Variants in PTPRO observed in about 807,000 individuals in gnomAD.
PTPRO encodes protein tyrosine phosphatase receptor type O.
PTPRO carries 62 observed loss-of-function variants against 145.2 expected under a neutral mutation model. That is an observed-to-expected ratio of 0.43 (90% CI 0.35 to 0.53). The LOEUF is 0.53. PTPRO is among the 20% of genes least tolerant of loss of function. PTPRO has a pLI of 0.01. For synonymous variants in PTPRO, 565 were observed against 514.7 expected (o/e 1.10, Z -1.32); for missense variants, 1,345 against 1,482.7 (o/e 0.91, Z 1.53).
At chr12:15,360,780 ATATATGTGTG>A (rs1360234990) in intron 1 of PTPRO, among the ~76,000 whole-genome samples, 2 of 148,196 alleles carry the variant, frequency 1.3e-5, no homozygotes, top group African/African-American at 2.5e-5. Flanking sequence ...ATACGTGTGT[ATATATGTGTG>A]TATATGTGTG....
intron 1 of PTPRO, among the ~76,000 whole-genome samples, chr12:15,388,219 T>C (rs1387177260): frequency 2.6e-5 from 4 of 152,026 alleles, no homozygotes; most frequent in Non-Finnish European, 4.4e-5. Flanking sequence ...TGTTAGAATA[T>C]AACATACGGA....
intron 1 of PTPRO, among the ~76,000 whole-genome samples, chr12:15,418,838 C>A (rs887473905): frequency 2.6e-5 from 4 of 151,692 alleles, no homozygotes; most frequent in Non-Finnish European, 5.9e-5. Flanking sequence ...TCCAAACTTG[C>A]CTCTTTTATT....
At chr12:15,540,587 T>C (rs961290111) in intron 12 of PTPRO, among the ~76,000 whole-genome samples, 12 of 152,342 alleles carry the variant, frequency 7.9e-5, no homozygotes, top group East Asian at 7.7e-4. Flanking sequence ...GAAGAAACAA[T>C]GTAATAGCTA....
At chr12:15,520,409 A>G in intron 10 of PTPRO, 97 bp downstream of exon 10, 1 of 837,182 alleles carries the variant, frequency 1.2e-6, no homozygotes, top group South Asian at 1.4e-5. Flanking sequence ...TCATTCACCC[A>G]GCACTGGGTG....
At chr12:15,594,078 CA>C (rs2135680743) in intron 25 of PTPRO, among the ~76,000 whole-genome samples, 1 of 152,168 alleles carries the variant, frequency 6.6e-6, no homozygotes, top group Non-Finnish European at 1.5e-5. Flanking sequence ...GACTTTATCA[CA>C]AAAATAAAGG....
At chr12:15,534,492 A>T (rs1015922419) in intron 12 of PTPRO, among the ~76,000 whole-genome samples, 7 of 152,170 alleles carry the variant, frequency 4.6e-5, no homozygotes, top group Non-Finnish European at 8.8e-5. Context: ...TCTGTTCACA[A>T]GGAGCTTATG....
intron 1 of PTPRO, among the ~76,000 whole-genome samples, chr12:15,367,203 T>G (rs1384996647): frequency 6.6e-6 from 1 of 152,124 alleles, no homozygotes; most frequent in East Asian, 1.9e-4. Flanking sequence ...GTAAGAAAAT[T>G]TATAGGCAAA....
At chr12:15,347,048 C>T (rs904594062) in intron 1 of PTPRO, among the ~76,000 whole-genome samples, 3 of 152,100 alleles carry the variant, frequency 2.0e-5, no homozygotes, top group Non-Finnish European at 1.5e-5. Flanking sequence ...TACACTCTCC[C>T]CTTAACCCAA....
chr12:15,570,567 T>A (rs1287838125), intron 19 of PTPRO, among the ~76,000 whole-genome samples: 1 of 152,182 alleles, frequency 6.6e-6, no homozygotes, highest in African/African-American at 2.4e-5. Context: ...ACACAGAGCC[T>A]GCTCACTTAT....
At chr12:15,552,815 T>TTTTTTA (rs1460399640) in intron 15 of PTPRO, among the ~76,000 whole-genome samples, 11 of 147,774 alleles carry the variant, frequency 7.4e-5, no homozygotes, top group Non-Finnish European at 1.5e-4. Flanking sequence ...TTTTTTTTTT[T>TTTTTTA]TTGAGACAGA....
In PTPRO at chr12:15,580,754, A is replaced by T. The variant is rs1944293234; in HGVS notation, c.3055A>T (p.Asn1019Tyr). Residue 1019 changes from asparagine (N) to tyrosine (Y), a missense_variant, in exon 22 of 27, where the codon AAT (asparagine) becomes TAT (tyrosine). Around this residue, in one of 3 missense-constraint regions of PTPRO, gnomAD observed 7 missense variants for 25.3 expected, o/e 0.28. Coordinates refer to ENST00000281171, the MANE Select transcript of PTPRO (RefSeq NM_030667.3). The stretch of plus-strand genomic sequence containing the variant: ...CCAGGGGCCACTGCCTGAAACCAGA[A>T]ATGACTTCTGGAAGATGGTCCTGCA... ...ATQGPLPETR[N>Y]DFWKMVLQQK... The T allele has an allele frequency of 6.2e-7, 1 of 1,613,988 alleles. No individual in the cohort carries two copies. The highest frequency in any genetic ancestry group is 8.5e-7 in the Non-Finnish European group (1 of 1,179,990).
At chr12:15,355,156 GT>G (rs1439547473) in intron 1 of PTPRO, among the ~76,000 whole-genome samples, 1 of 152,160 alleles carries the variant, frequency 6.6e-6, no homozygotes, top group Non-Finnish European at 1.5e-5. Context: ...ATTTCCCTAT[GT>G]GTCTTTGCAA....
chr12:15,575,507 C>T (rs1295111603), intron 19 of PTPRO, among the ~76,000 whole-genome samples: 1 of 152,210 alleles, frequency 6.6e-6, no homozygotes. Flanking sequence ...ACATAAATCT[C>T]TACTGTTTAA....
intron 22 of PTPRO, among the ~76,000 whole-genome samples, 154 bp from the exon 23 acceptor site, chr12:15,581,525 C>T (rs1233946885): frequency 3.4e-5 from 5 of 146,024 alleles, no homozygotes; most frequent in Non-Finnish European, 7.5e-5. Flanking sequence ...TAAGAATTCA[C>T]ACTACGTAGC....
intron 1 of PTPRO, among the ~76,000 whole-genome samples, chr12:15,365,388 C>A (rs991533003): frequency 4.0e-5 from 6 of 151,856 alleles, no homozygotes. Flanking sequence ...TGTTTAGGTC[C>A]TTTGGGGGAA....
At chr12:15,392,516 T>C (rs1939214661) in intron 1 of PTPRO, among the ~76,000 whole-genome samples, 1 of 151,014 alleles carries the variant, frequency 6.6e-6, no homozygotes. Context: ...AGATGAAGAG[T>C]TCGAGACCAG....
chr12:15,343,404 AG>A (rs1165289733), intron 1 of PTPRO, among the ~76,000 whole-genome samples: 1 of 152,122 alleles, frequency 6.6e-6, no homozygotes, highest in Non-Finnish European at 1.5e-5. Context: ...TAAAATTTAA[AG>A]GCTGGACGCG....
At chr12:15,566,755 A>C (rs1031138104) in intron 18 of PTPRO, among the ~76,000 whole-genome samples, 1 of 152,090 alleles carries the variant, frequency 6.6e-6, no homozygotes, top group African/African-American at 2.4e-5. Flanking sequence ...TCCTGACCTC[A>C]TGTGATCCAC....
At chr12:15,337,689 G>C (rs1036299239) in intron 1 of PTPRO, among the ~76,000 whole-genome samples, 8 of 152,148 alleles carry the variant, frequency 5.3e-5, no homozygotes, top group African/African-American at 1.2e-4. Flanking sequence ...CAAGTAAAAA[G>C]TTTAAAAACT....
Sources: gnomAD v4.1 joint callset for allele counts (sites outside exome capture counted in the v4.1 genomes callset) on GRCh38, gnomAD v4.1.1 for gene constraint, gnomAD v4.1.1 regional missense constraint, MANE v1.5 for transcripts, NCBI Gene and HGNC (gene_info 2026-07-23, HGNC 2026-07-21) for gene names.